Variants in C8orf89 observed in about 807,000 individuals in gnomAD.
The protein encoded by C8orf89 is putative uncharacterized protein C8orf89.
A neutral mutation model predicts 15.8 loss-of-function variants in C8orf89; 14 were observed. The observed-to-expected ratio is 0.89, with a 90% CI of 0.59 to 1.39. C8orf89 has a LOEUF of 1.39. Ranked by LOEUF, C8orf89 falls within the 40% of genes most tolerant of loss-of-function variation. The pLI is 0.00. For synonymous variants in C8orf89, 55 were observed against 62.2 expected (o/e 0.88, Z 0.54); for missense variants, 181 against 184.5 (o/e 0.98, Z 0.11).
At chr8:73,265,325 A>G in the C8orf89 span, among the ~76,000 whole-genome samples, 2 of 152,248 alleles carry the variant, frequency 1.3e-5, no homozygotes, top group Non-Finnish European at 2.9e-5. Context: ...TTAGGGCTTT[A>G]TAAGTCATAA....
At chr8:73,248,194 G>T (rs1813167097) in intron 3 of C8orf89, among the ~76,000 whole-genome samples, 1 of 152,150 alleles carries the variant, frequency 6.6e-6, no homozygotes, top group Admixed American at 6.5e-5. Flanking sequence ...TATTGAATAG[G>T]GAGAACTTTC....
chr8:73,257,706 A>G (rs141932522), intron 1 of C8orf89, among the ~76,000 whole-genome samples: 344 of 152,338 alleles, frequency 2.3e-3, no homozygotes, highest in African/African-American at 7.7e-3. Flanking sequence ...CGGTCAAATT[A>G]TTTTTAAAAA....
upstream of C8orf89, among the ~76,000 whole-genome samples, chr8:73,262,707 C>G (rs1813551095): frequency 6.6e-6 from 1 of 151,472 alleles, no homozygotes; most frequent in Admixed American, 6.6e-5. Flanking sequence ...GTCCCAGCTA[C>G]TGAGGAGGAT....
At chr8:73,263,968 T>C (rs765966007), upstream of C8orf89, among the ~76,000 whole-genome samples, 3 of 152,196 alleles carry the variant, frequency 2.0e-5, no homozygotes, top group Non-Finnish European at 4.4e-5. Context: ...TTTGTCATAT[T>C]TGTGTTTCTG....
the C8orf89 span, chr8:73,277,591 C>A: frequency 1.3e-6 from 1 of 762,940 alleles, no homozygotes; most frequent in Non-Finnish European, 2.4e-6. Flanking sequence ...ACAGATAAAT[C>A]CCATAAACAT....
At chr8:73,276,615 C>A in the C8orf89 span, among the ~76,000 whole-genome samples, 1 of 152,028 alleles carries the variant, frequency 6.6e-6, no homozygotes, top group Non-Finnish European at 1.5e-5. Flanking sequence ...CAGAGCATGA[C>A]CATTCTATTA....
At chr8:73,275,203 C>CACATTCTTATG in the C8orf89 span, among the ~76,000 whole-genome samples, 2 of 149,886 alleles carry the variant, frequency 1.3e-5, no homozygotes. Flanking sequence ...TTTGTTTACC[C>CACATTCTTATG]ACATTCTTAT....
chr8:73,266,627 G>T, the C8orf89 span, among the ~76,000 whole-genome samples: 1 of 152,052 alleles, frequency 6.6e-6, no homozygotes, highest in Non-Finnish European at 1.5e-5. Context: ...CAGTGTTGGA[G>T]AAAAACATAA....
intron 3 of C8orf89, among the ~76,000 whole-genome samples, chr8:73,245,794 A>C (rs1222897500): frequency 1.3e-5 from 2 of 152,242 alleles, no homozygotes; most frequent in Non-Finnish European, 2.9e-5. Flanking sequence ...GAATACCTTA[A>C]GAGCCCTAAA....
intron 2 of C8orf89, among the ~76,000 whole-genome samples, chr8:73,253,122 G>A (rs1394543753): frequency 6.6e-6 from 1 of 152,186 alleles, no homozygotes; most frequent in African/African-American, 2.4e-5. Context: ...CAGCCTGGGC[G>A]ACAGAGCTAG....
At chr8:73,262,852 A>T (rs1813553735), upstream of C8orf89, among the ~76,000 whole-genome samples, 1 of 152,078 alleles carries the variant, frequency 6.6e-6, no homozygotes, top group Non-Finnish European at 1.5e-5. Flanking sequence ...AAAATAAAAG[A>T]GCCATATCTG....
Position 73,259,475 on chromosome 8 carries a change from AG to A in C8orf89, c.-18del, listed in dbSNP as rs1376047492. ...CACTGACATTTTTTCTTCTTTCAAC[AG>A]TGCTGATGAGAGGGAGATGCTGCTG... On this transcript the variant is annotated 5_prime_UTR_variant, in exon 1 of 4. The change creates a new upstream start codon in the 5' untranslated region. Coordinates refer to ENST00000624510, the MANE Select transcript of C8orf89 (RefSeq NM_001243237.3). The A allele has an allele frequency of 4.7e-6, 7 of 1,494,606 alleles. No homozygotes were observed. Among genetic ancestry groups the A allele is most frequent in the Non-Finnish European group, 5.3e-6 (6 of 1,127,460 alleles). The allele number at this position is 1,494,606 out of a possible 1,614,324, so 92.6% of individuals were successfully genotyped here. A position where few individuals can be genotyped will look rare whatever the true frequency, so the allele number is the denominator to read the frequency against.
chr8:73,276,719 T>C, the C8orf89 span, among the ~76,000 whole-genome samples: 1 of 152,032 alleles, frequency 6.6e-6, no homozygotes. Context: ...TCAACTTTTC[T>C]TAGATTTTTG....
At chr8:73,261,816 CT>C (rs1390487691), upstream of C8orf89, among the ~76,000 whole-genome samples, 1 of 152,084 alleles carries the variant, frequency 6.6e-6, no homozygotes, top group Non-Finnish European at 1.5e-5. Context: ...TTCCAAAGGC[CT>C]GTTTTGGCAG....
At chr8:73,285,090 A>C in the C8orf89 span, among the ~76,000 whole-genome samples, 1 of 152,222 alleles carries the variant, frequency 6.6e-6, no homozygotes, top group African/African-American at 2.4e-5. Flanking sequence ...AATTGGCAAC[A>C]GAAAGAGGGT....
At chr8:73,246,447 T>C (rs34048602) in intron 3 of C8orf89, among the ~76,000 whole-genome samples, 19,430 of 152,228 alleles carry the variant, frequency 0.13, 1,387 homozygotes, top group African/African-American at 0.19. Context: ...GGCACAATCT[T>C]GGCTCACTGC....
chr8:73,277,630 TTTTTC>T, the C8orf89 span: 64 of 760,340 alleles, frequency 8.4e-5, 1 homozygote, highest in Middle Eastern at 4.8e-4. Flanking sequence ...ACCATAGAAC[TTTTTC>T]TTTTCATCCA....
chr8:73,256,835 A>G (rs1267643146), intron 2 of C8orf89, 138 bp downstream of exon 2: 1 of 504,694 alleles, frequency 2.0e-6, no homozygotes, highest in African/African-American at 2.1e-5. Context: ...TAGATTTTAA[A>G]AATTAAATCC....
chr8:73,252,271 G>A (rs1387435683), intron 2 of C8orf89, among the ~76,000 whole-genome samples: 6 of 152,138 alleles, frequency 3.9e-5, no homozygotes, highest in African/African-American at 1.4e-4. Context: ...CCAACTATAG[G>A]AAGTGATGAA....
Sources: allele counts gnomAD v4.1 joint callset (sites outside exome capture counted in the v4.1 genomes callset), GRCh38; gene constraint gnomAD v4.1.1; transcripts MANE v1.5; gene names NCBI Gene and HGNC (gene_info 2026-07-23, HGNC 2026-07-21).